The following JAZF1 variants were observed in gnomAD, a reference collection of about 807,000 sequenced individuals.
JAZF1 encodes juxtaposed with another zinc finger protein 1.
A neutral mutation model predicts 26.4 loss-of-function variants in JAZF1; 8 were observed. The ratio of observed to expected loss-of-function variants is 0.30; its 90% confidence interval spans 0.18 to 0.55. The LOEUF is 0.55. Among genes scored for constraint, JAZF1 ranks in the 20% least tolerant of loss-of-function variants. The pLI is 0.94. For missense variants in JAZF1, 199 were observed against 322.0 expected, an observed-to-expected ratio of 0.62 and a Z score of 2.92; for synonymous variants, 126 against 122.3, an observed-to-expected ratio of 1.03 and a Z score of -0.20.
chr7:27,895,272 G>C lies in JAZF1; in HGVS notation c.333C>G (p.Pro111=). Residue 111 remains proline (P), a synonymous_variant, in exon 3 of 5, where the codon CCC becomes CCG. Transcript: ENST00000283928. ...PRHSSGSLTP[P]VTPPITPSSS... ...AGGAGGGGGTGATGGGTGGGGTCAC[G>C]GGGGGAGTAAGGCTTCCACTGCTGT... is the stretch of plus-strand genomic sequence containing the variant. 2 of 1,607,812 alleles carry C rather than the reference G, an allele frequency of 1.2e-6. No individual in the cohort carries two copies. Among genetic ancestry groups the C allele is most frequent in the South Asian group, 2.2e-5 (2 of 90,080 alleles).
At chr7:27,981,574 A>T (rs38507) in intron 2 of JAZF1, among the ~76,000 whole-genome samples, 1 of 152,106 alleles carries the variant, frequency 6.6e-6, no homozygotes, top group Admixed American at 6.5e-5. Context: ...TACAGCTCTC[A>T]ATTAAAAAAT....
intron 2 of JAZF1, among the ~76,000 whole-genome samples, chr7:27,897,088 T>C (rs1468391919): frequency 6.6e-6 from 1 of 152,080 alleles, no homozygotes; most frequent in Non-Finnish European, 1.5e-5. Context: ...GTGCTTTTTT[T>C]TTTATTATCC....
At chr7:28,165,393 G>A (rs1302470222) in intron 1 of JAZF1, among the ~76,000 whole-genome samples, 2 of 152,062 alleles carry the variant, frequency 1.3e-5, no homozygotes, top group Non-Finnish European at 2.9e-5. Context: ...CAGGTCCCTA[G>A]GGGCTTTGAA....
chr7:28,091,776 G>C (rs945325586), intron 1 of JAZF1, among the ~76,000 whole-genome samples: 1 of 151,992 alleles, frequency 6.6e-6, no homozygotes, highest in Admixed American at 6.6e-5. Context: ...ATTGCTGTTA[G>C]AATAGTCGGT....
At chr7:28,127,222 T>C (rs1226186192) in intron 1 of JAZF1, among the ~76,000 whole-genome samples, 1 of 152,256 alleles carries the variant, frequency 6.6e-6, no homozygotes, top group Non-Finnish European at 1.5e-5. Context: ...CATCTCACTC[T>C]AGCCTTAGAA....
chr7:27,849,782 C>CACACACACACACACACACATA (rs1554329094), intron 3 of JAZF1, among the ~76,000 whole-genome samples: 1 of 151,148 alleles, frequency 6.6e-6, no homozygotes, highest in Admixed American at 6.6e-5. Context: ...CACCCCTACA[C>CACACACACACACACACACATA]CTCTTCCCGG....
chr7:28,032,832 G>A (rs188243222), intron 1 of JAZF1, among the ~76,000 whole-genome samples: 4 of 151,902 alleles, frequency 2.6e-5, no homozygotes, highest in African/African-American at 4.8e-5. Context: ...TTAGCACAAC[G>A]GGCCCAGTCT....
At chr7:28,078,365 T>C (rs1784086740) in intron 1 of JAZF1, among the ~76,000 whole-genome samples, 1 of 152,244 alleles carries the variant, frequency 6.6e-6, no homozygotes. Context: ...AGAGAACTGC[T>C]GAGACCATCA....
intron 3 of JAZF1, among the ~76,000 whole-genome samples, chr7:27,855,671 C>T (rs947676487): frequency 6.6e-6 from 1 of 152,224 alleles, no homozygotes; most frequent in Non-Finnish European, 1.5e-5. Flanking sequence ...AGGAAGAAGT[C>T]GAATCCCAGA....
chr7:27,941,077 G>T (rs1784839372), intron 2 of JAZF1, among the ~76,000 whole-genome samples: 1 of 152,144 alleles, frequency 6.6e-6, no homozygotes, highest in Non-Finnish European at 1.5e-5. Context: ...TCTGACTAAT[G>T]TTAACAAATT....
At chr7:27,890,460 G>A (rs750778795) in intron 3 of JAZF1, among the ~76,000 whole-genome samples, 1 of 152,140 alleles carries the variant, frequency 6.6e-6, no homozygotes, top group Non-Finnish European at 1.5e-5. Context: ...CATATTTTGA[G>A]TTTGGAGGTG....
chr7:28,117,177 T>C (rs1428318332), intron 1 of JAZF1, among the ~76,000 whole-genome samples: 7 of 152,226 alleles, frequency 4.6e-5, no homozygotes, highest in African/African-American at 7.2e-5. Context: ...TGATTGTCAT[T>C]TGAATTTGCT....
At chr7:27,873,077 T>C (rs1255273448) in intron 3 of JAZF1, among the ~76,000 whole-genome samples, 1 of 152,214 alleles carries the variant, frequency 6.6e-6, no homozygotes, top group Non-Finnish European at 1.5e-5. Flanking sequence ...TTCTATCAAC[T>C]GGGAGGGATT....
chr7:28,105,310 C>T (rs751218116), intron 1 of JAZF1, among the ~76,000 whole-genome samples: 2 of 152,146 alleles, frequency 1.3e-5, no homozygotes, highest in Admixed American at 6.5e-5. Context: ...ATAGCCCTTT[C>T]GAGGTCAATA....
rs189360293 is a variant in JAZF1, at chr7:27,902,711, G to A, written c.189-7295C>T. Among the ~76,000 whole-genome samples the A allele has an allele frequency of 1.1e-4, 16 of 152,292 alleles. No individual in the cohort carries two copies. In the East Asian group the frequency reaches 3.1e-3, roughly 29 times the overall value. On this transcript the variant is annotated intron_variant, in intron 2 of 4. Transcript: ENST00000283928. Reference sequence around the variant, plus strand: ...CGTGCTTAACAAATGTCAGGTTCCTGGTTCATAAAAGAAGTGATTAACATG... The same window carrying A: ...CGTGCTTAACAAATGTCAGGTTCCTAGTTCATAAAAGAAGTGATTAACATG...
intron 1 of JAZF1, among the ~76,000 whole-genome samples, chr7:28,055,924 A>G (rs1008876080): frequency 5.3e-5 from 8 of 152,208 alleles, no homozygotes; most frequent in African/African-American, 1.9e-4. Flanking sequence ...ACAGCTCAGG[A>G]TAGTCAGGAT....
chr7:27,982,166 G>C (rs977961052), intron 2 of JAZF1, among the ~76,000 whole-genome samples: 3 of 152,210 alleles, frequency 2.0e-5, no homozygotes, highest in African/African-American at 7.2e-5. Context: ...CCGCACCCAG[G>C]AAGTGCAAGA....
At chr7:28,158,491 T>A (rs1420801968) in intron 1 of JAZF1, among the ~76,000 whole-genome samples, 1 of 152,156 alleles carries the variant, frequency 6.6e-6, no homozygotes, top group Non-Finnish European at 1.5e-5. Flanking sequence ...ATTCCAGAAT[T>A]CTTGACTTAA....
intron 2 of JAZF1, among the ~76,000 whole-genome samples, chr7:27,901,617 G>GA (rs1784161120): frequency 6.6e-6 from 1 of 152,086 alleles, no homozygotes; most frequent in South Asian, 2.1e-4. Flanking sequence ...TGCAGTCTCA[G>GA]AAAAAACTGA....
Sources: allele counts gnomAD v4.1 joint callset (sites outside exome capture counted in the v4.1 genomes callset), GRCh38; gene constraint gnomAD v4.1.1; transcripts MANE v1.5; gene names NCBI Gene and HGNC (gene_info 2026-07-23, HGNC 2026-07-21).